Variants in MYBPHL observed in about 807,000 individuals in gnomAD.
MYBPHL encodes the protein myosin-binding protein H-like.
In MYBPHL, 32 loss-of-function variants were observed where a neutral mutation model predicts 39.5. That is an observed-to-expected ratio of 0.81 (90% CI 0.61 to 1.09). MYBPHL has a LOEUF of 1.09. MYBPHL is among the 50% of genes least tolerant of loss of function. The pLI, the probability that MYBPHL is intolerant of heterozygous loss-of-function variation, is 0.00. For synonymous variants in MYBPHL, 196 were observed against 183.7 expected (o/e 1.07, Z -0.54); for missense variants, 456 against 460.2 (o/e 0.99, Z 0.08).
intron 5 of MYBPHL, 33 bp downstream of exon 5, chr1:109,296,750 C>A (rs755038746): frequency 2.5e-6 from 4 of 1,613,446 alleles, no homozygotes; most frequent in Non-Finnish European, 3.4e-6. Flanking sequence ...ATCCTTAAGT[C>A]TTCCCAGCTC....
At chr1:109,302,735 T>C (rs1658337244) in intron 1 of MYBPHL, among the ~76,000 whole-genome samples, 1 of 152,134 alleles carries the variant, frequency 6.6e-6, no homozygotes. Flanking sequence ...CTACAATCCT[T>C]CTATGATCAG....
At chr1:109,295,878 G>A (rs1658039998) in intron 6 of MYBPHL, among the ~76,000 whole-genome samples, 1 of 152,190 alleles carries the variant, frequency 6.6e-6, no homozygotes, top group Non-Finnish European at 1.5e-5. Context: ...TGAACTCTAG[G>A]CAGGTTGCAT....
At chr1:109,302,653 A>C (rs1658333714) in intron 1 of MYBPHL, among the ~76,000 whole-genome samples, 1 of 152,122 alleles carries the variant, frequency 6.6e-6, no homozygotes, top group African/African-American at 2.4e-5. Context: ...CATCTGGCCC[A>C]CCACTCCTCC....
chr1:109,297,908 C>T (rs1027024122), intron 2 of MYBPHL, among the ~76,000 whole-genome samples: 1 of 152,236 alleles, frequency 6.6e-6, no homozygotes, highest in African/African-American at 2.4e-5. Flanking sequence ...AAGAACCCTT[C>T]TAACTGCAAG....
chr1:109,293,761 A>AAAT (rs36058986), intron 8 of MYBPHL, among the ~76,000 whole-genome samples: 12 of 147,538 alleles, frequency 8.1e-5, no homozygotes, highest in Admixed American at 2.0e-4. Flanking sequence ...ATAAATAAAT[A>AAAT]AATATAAAAA....
rs115674693 is a variant in MYBPHL, at chr1:109,305,426, C to T, written c.145+1421G>A. 7.7e-3 allele frequency among the ~76,000 whole-genome samples: 1,170 copies of T among 152,296 alleles called. 10 individuals are homozygous for T. Among genetic ancestry groups the T allele is most frequent in the Non-Finnish European group, 0.012 (810 of 68,020 alleles). ...CTGCAGTGTACAGAGCTGCTGCACACGAGAGGCTTTGGGCTGCATTTGCGG... is the reference window on the plus strand; with the variant it reads ...CTGCAGTGTACAGAGCTGCTGCACATGAGAGGCTTTGGGCTGCATTTGCGG... On this transcript the variant is annotated intron_variant, in intron 1 of 8. Transcript: ENST00000357155.
intron 6 of MYBPHL, 132 bp downstream of exon 6, chr1:109,296,102 C>A (rs934962502): frequency 2.7e-6 from 3 of 1,117,702 alleles, no homozygotes; most frequent in Non-Finnish European, 3.8e-6. Context: ...TCCTAAATAC[C>A]GTGCTGTAGA....
rs557833601 is a variant in MYBPHL, at chr1:109,296,769, C to G, written c.730+14G>C. The G allele has an allele frequency of 1.2e-6, 2 of 1,613,868 alleles. No individual in the cohort carries two copies. Among genetic ancestry groups the G allele is most frequent in the African/African-American group, 2.7e-5 (2 of 74,902 alleles). The stretch of plus-strand genomic sequence containing the variant: ...TTAAGTCTTCCCAGCTCATGATCCC[C>G]ATGCCTCCCTTACCTGCTTTCTGGA... On this transcript the variant is annotated intron_variant, in intron 5 of 8. Transcript: ENST00000357155.
At position 109,295,157 on chromosome 1, in the gene MYBPHL, C is replaced by T. The variant is rs1658014616; in HGVS notation, c.1008G>A (p.Val336=). ...FDGGIYTCKA[V]NPLGEASVDC... is the part of the protein sequence containing the mutation. ...CCACAGATGCCTCCCCTAGGGGGTT[C>T]ACCGCCTTGCAGGTATAGATGCCTC... Residue 336 remains valine (V), a synonymous_variant, in exon 7 of 9, where the codon GTG becomes GTA. Transcript: ENST00000357155. 3.7e-6 allele frequency: 6 copies of T among 1,613,868 alleles called. No homozygotes were observed. Among genetic ancestry groups the T allele is most frequent in the South Asian group, 3.3e-5 (3 of 91,080 alleles).
intron 3 of MYBPHL, 77 bp downstream of exon 3, chr1:109,297,345 C>G: frequency 4.5e-6 from 7 of 1,561,686 alleles, no homozygotes; most frequent in Non-Finnish European, 6.1e-6. Flanking sequence ...GCTTCCCCAG[C>G]TCTCTGAGCT....
intron 1 of MYBPHL, among the ~76,000 whole-genome samples, chr1:109,302,541 G>A (rs1195410995): frequency 6.6e-6 from 1 of 152,042 alleles, no homozygotes; most frequent in African/African-American, 2.4e-5. Flanking sequence ...TTTTAGCCCT[G>A]GCTCACTGTC....
At position 109,296,219 on chromosome 1, in the gene MYBPHL, A is replaced by C. The variant is rs771403986; in HGVS notation, c.867+15T>G. ...GAAGCAGCTCAGCACAGTGCCCCCCAGAGCCCCCACTCACCCGGGGAGAGG... is the reference window on the plus strand; with the variant it reads ...GAAGCAGCTCAGCACAGTGCCCCCCCGAGCCCCCACTCACCCGGGGAGAGG... On this transcript the variant is annotated intron_variant, in intron 6 of 8. Coordinates refer to ENST00000357155, the MANE Select transcript of MYBPHL (RefSeq NM_001010985.3). The C allele has an allele frequency of 5.0e-6, 8 of 1,612,090 alleles. No homozygotes were observed. The highest frequency in any genetic ancestry group is 6.8e-6 in the Non-Finnish European group (8 of 1,179,540).
chr1:109,294,319 T>A, intron 7 of MYBPHL, 70 bp from the exon 8 acceptor site: 2 of 1,427,974 alleles, frequency 1.4e-6, no homozygotes, highest in Non-Finnish European at 2.0e-6. Context: ...TTCAGAGCAT[T>A]AGAAAGGAAT....
chr1:109,293,991 G>A (rs1657962472), intron 8 of MYBPHL, among the ~76,000 whole-genome samples: 1 of 150,740 alleles, frequency 6.6e-6, no homozygotes, highest in Non-Finnish European at 1.5e-5. Flanking sequence ...TTGAACCCAG[G>A]AGGCAGAGGT....
intron 1 of MYBPHL, among the ~76,000 whole-genome samples, chr1:109,306,235 C>G (rs1658464269): frequency 6.6e-6 from 1 of 152,176 alleles, no homozygotes; most frequent in South Asian, 2.1e-4. Context: ...TTGGGAACGC[C>G]TCTTTGCTGA....
At chr1:109,297,006 C>G (rs1658098294) in intron 4 of MYBPHL, 44 bp downstream of exon 4, 1 of 1,614,008 alleles carries the variant, frequency 6.2e-7, no homozygotes, top group East Asian at 2.2e-5. Context: ...AGGCCTGTCC[C>G]AACATGCCCT....
Position 109,295,167 on chromosome 1 carries a change from C to T in MYBPHL, c.998G>A (p.Cys333Tyr). ...PGPFDGGIYTCKAVNPLGEAS... is the reference protein window; with the variant it reads ...PGPFDGGIYTYKAVNPLGEAS... The stretch of plus-strand genomic sequence containing the variant: ...CTCCCCTAGGGGGTTCACCGCCTTG[C>T]AGGTATAGATGCCTCCATCAAAGGG... Residue 333 changes from cysteine to tyrosine, a missense_variant, in exon 7 of 9, where the codon TGC (cysteine) becomes TAC (tyrosine). Physicochemically the swap from Cys to Tyr is radical, Grantham distance 194 (BLOSUM62 -2). Coordinates refer to ENST00000357155, the MANE Select transcript of MYBPHL (RefSeq NM_001010985.3). The T allele has an allele frequency of 1.9e-6, 3 of 1,614,084 alleles. No individual in the cohort carries two copies. The highest frequency in any genetic ancestry group is 2.5e-6 in the Non-Finnish European group (3 of 1,180,034).
chr1:109,296,192 A>G, intron 6 of MYBPHL, 42 bp downstream of exon 6: 1 of 1,604,106 alleles, frequency 6.2e-7, no homozygotes, highest in South Asian at 1.1e-5. Flanking sequence ...AGGCAGGAAC[A>G]AGAAGCAGCT....
intron 1 of MYBPHL, among the ~76,000 whole-genome samples, chr1:109,298,763 C>T (rs553851459): frequency 8.7e-4 from 132 of 152,182 alleles, no homozygotes; most frequent in African/African-American, 2.9e-3. Context: ...ACCTCCCAGC[C>T]GCCCACGGAG....
Sources: gnomAD v4.1 joint callset for allele counts (sites outside exome capture counted in the v4.1 genomes callset) on GRCh38, gnomAD v4.1.1 for gene constraint, MANE v1.5 for transcripts, NCBI Gene and HGNC (gene_info 2026-07-23, HGNC 2026-07-21) for gene names.